The following LMTK2 variants were observed in gnomAD, a reference collection of about 807,000 sequenced individuals.
LMTK2 encodes the protein lemur tail kinase 2, also known as serine/threonine-protein kinase LMTK2.
In LMTK2, 37 loss-of-function variants were observed where a neutral mutation model predicts 127.5. The observed-to-expected ratio is 0.29, with a 90% CI of 0.22 to 0.38. The LOEUF (loss-of-function observed/expected upper bound fraction) is 0.38, where lower values mean the gene tolerates loss of function less well. Among genes scored for constraint, LMTK2 ranks in the 10% least tolerant of loss-of-function variants. LMTK2 has a pLI of 1.00. For synonymous variants in LMTK2, 819 were observed against 810.1 expected, an observed-to-expected ratio of 1.01 and a Z score of -0.19; for missense variants, 1,694 against 1,920.3, an observed-to-expected ratio of 0.88 and a Z score of 2.20.
At chr7:98,196,188 A>AG (rs1797619789) in intron 11 of LMTK2, among the ~76,000 whole-genome samples, 1 of 150,504 alleles carries the variant, frequency 6.6e-6, no homozygotes, top group Admixed American at 6.6e-5. Flanking sequence ...GACCTGTCTC[A>AG]GAAAAAAAAA....
chr7:98,198,867 G>C (rs1264344476), intron 11 of LMTK2, among the ~76,000 whole-genome samples: 3 of 152,060 alleles, frequency 2.0e-5, no homozygotes, highest in African/African-American at 7.2e-5. Context: ...GTGAGTTTTC[G>C]TTTTCATTCA....
Position 98,205,635 on chromosome 7 carries a change from CTCTTAGCTGCGT to C in LMTK2, c.*146_*157del. 1 of 895,748 alleles carries C rather than the reference CTCTTAGCTGCGT, an allele frequency of 1.1e-6. No individual in the cohort carries two copies. The highest frequency in any genetic ancestry group is 1.7e-6 in the Non-Finnish European group (1 of 576,734). 55.5% of individuals were successfully genotyped at this position (895,748 alleles called of 1,614,324 possible). On this transcript the variant is annotated 3_prime_UTR_variant, in exon 14 of 14. Coordinates refer to ENST00000297293, the MANE Select transcript of LMTK2 (RefSeq NM_014916.4). ...AATCCAGAGGTGAAGAGGGAGACGG[CTCTTAGCTGCGT>C]TCAAGGCGGGGCCCTCGGGAGCCCA...
intron 7 of LMTK2, among the ~76,000 whole-genome samples, chr7:98,179,626 C>T (rs1797325622): frequency 1.5e-5 from 2 of 130,708 alleles, no homozygotes; most frequent in Non-Finnish European, 3.1e-5. Flanking sequence ...TCCCTCCCTC[C>T]CTTTCTCCCT....
intron 6 of LMTK2, among the ~76,000 whole-genome samples, chr7:98,165,336 A>G (rs942956630): frequency 2.6e-5 from 4 of 152,202 alleles, no homozygotes; most frequent in Admixed American, 2.6e-4. Flanking sequence ...TGAGGAAACC[A>G]AGGCCGAGAG....
intron 3 of LMTK2, among the ~76,000 whole-genome samples, chr7:98,143,223 A>G (rs1358371946): frequency 6.6e-6 from 1 of 152,200 alleles, no homozygotes; most frequent in Non-Finnish European, 1.5e-5. Context: ...GGAAGAAATT[A>G]TTTTAAATTT....
intron 3 of LMTK2, among the ~76,000 whole-genome samples, chr7:98,150,441 T>C (rs1323871536): frequency 6.6e-6 from 1 of 152,196 alleles, no homozygotes; most frequent in Non-Finnish European, 1.5e-5. Context: ...GTGCTACTCA[T>C]GTTTTAGGAA....
intron 7 of LMTK2, among the ~76,000 whole-genome samples, chr7:98,174,336 G>A (rs1420879105): frequency 6.6e-6 from 1 of 152,184 alleles, no homozygotes; most frequent in African/African-American, 2.4e-5. Flanking sequence ...AACTAATCTA[G>A]TAAGGCACCC....
intron 6 of LMTK2, among the ~76,000 whole-genome samples, chr7:98,163,876 G>A (rs1015621490): frequency 2.0e-5 from 3 of 152,228 alleles, no homozygotes; most frequent in Non-Finnish European, 4.4e-5. Context: ...TCTGGGCTCT[G>A]TAAAAAGCTG....
chr7:98,115,892 T>C (rs1428982345), intron 1 of LMTK2, among the ~76,000 whole-genome samples: 2 of 152,162 alleles, frequency 1.3e-5, no homozygotes, highest in African/African-American at 4.8e-5. Flanking sequence ...TGGTTTTTTG[T>C]TTGTTTGTTT....
rs367912151 is a variant in LMTK2, at chr7:98,193,337, G to T, written c.2872G>T (p.Ala958Ser). 2.5e-6 allele frequency: 4 copies of T among 1,614,136 alleles called. No homozygotes were observed. Among genetic ancestry groups the T allele is most frequent in the Non-Finnish European group, 3.4e-6 (4 of 1,180,032 alleles). ...ETLNQLNSKD[A>S]AKEAGLVSAL... is the part of the protein sequence containing the mutation. ...TTTAAATCAGCTCAATTCTAAAGAC[G>T]CAGCAAAAGAAGCAGGCTTGGTGTC... The change falls in exon 11 of 14, where the codon GCA (alanine) becomes TCA (serine). Residue 958 changes from alanine (A) to serine (S), a missense_variant. Physicochemically the swap from Ala to Ser is moderately conservative, Grantham distance 99. This residue lies in a region of LMTK2 where 527 missense variants were observed against 539.8 expected (regional missense o/e 0.98). Coordinates refer to ENST00000297293, the MANE Select transcript of LMTK2 (RefSeq NM_014916.4). The surrounding 1 kb of genome is among the most constrained non-coding windows in gnomAD (Gnocchi z 4.1).
intron 5 of LMTK2, among the ~76,000 whole-genome samples, chr7:98,156,488 A>C (rs1239054563): frequency 6.6e-6 from 1 of 152,122 alleles, no homozygotes; most frequent in African/African-American, 2.4e-5. Flanking sequence ...GCTGTAATGA[A>C]AAAATAGTGA....
intron 11 of LMTK2, among the ~76,000 whole-genome samples, chr7:98,197,191 G>A (rs1797634511): frequency 1.3e-5 from 2 of 152,260 alleles, no homozygotes; most frequent in Admixed American, 1.3e-4. Context: ...CAGTCTGTGG[G>A]TGCCAGCACC....
intron 11 of LMTK2, 63 bp from the exon 12 acceptor site, chr7:98,203,511 G>A (rs1797739218): frequency 9.2e-6 from 14 of 1,527,224 alleles, no homozygotes; most frequent in African/African-American, 2.8e-5. Context: ...GTGGGGAAGC[G>A]GTCACACGGG....
At position 98,191,865 on chromosome 7, in the gene LMTK2, A is replaced by C. The variant is rs1234128045; in HGVS notation, c.1400A>C (p.Glu467Ala). 1 of 1,614,034 alleles carries C rather than the reference A, an allele frequency of 6.2e-7. No homozygotes were observed. Among genetic ancestry groups the C allele is most frequent in the African/African-American group, 1.3e-5 (1 of 74,906 alleles). Reference sequence around the variant, plus strand: ...ATGGAGGAAGTCCTCACCGTGACCGAAACCAGCCAGGGCCTGAGCTTCGAG... The same window carrying C: ...ATGGAGGAAGTCCTCACCGTGACCGCAACCAGCCAGGGCCTGAGCTTCGAG... ...REMEEVLTVT[E>A]TSQGLSFEYV... The change falls in exon 11 of 14, where the codon GAA becomes GCA. Residue 467 changes from glutamate (E) to alanine (A), a missense_variant. Physicochemically the swap from Glu to Ala is moderately radical, Grantham distance 107. Transcript: ENST00000297293.
At position 98,151,982 on chromosome 7, in the gene LMTK2, T is replaced by TA. The variant is rs200777287; in HGVS notation, c.450+536dup. On this transcript the variant is annotated intron_variant, in intron 4 of 13. Coordinates refer to ENST00000297293, the MANE Select transcript of LMTK2 (RefSeq NM_014916.4). ...ACATTTCGATCATAACAAAGGCCTT[T>TA]AAAAAAAAAGTATCTGAGACTTTTC... is the stretch of plus-strand genomic sequence containing the variant. 1.7e-3 allele frequency among the ~76,000 whole-genome samples: 250 copies of TA among 151,334 alleles called. 2 individuals are homozygous for TA. The highest frequency in any genetic ancestry group is 5.7e-3 in the African/African-American group (237 of 41,320).
chr7:98,121,471 C>CAA (rs68164720), intron 1 of LMTK2, among the ~76,000 whole-genome samples: 70 of 143,316 alleles, frequency 4.9e-4, no homozygotes, highest in African/African-American at 1.7e-3. Context: ...TACTAAAATA[C>CAA]AAAAAAAAAA....
At position 98,171,552 on chromosome 7, in the gene LMTK2, G is replaced by A. The variant is rs1797191148; in HGVS notation, c.669G>A (p.Lys223=). The A allele has an allele frequency of 6.2e-7, 1 of 1,613,980 alleles. No individual in the cohort carries two copies. The highest frequency in any genetic ancestry group is 1.1e-5 in the South Asian group (1 of 91,088). Reference sequence around the variant, plus strand: ...GCTGACTTTTGCAGGGTGACCTGAAGGCGTATCTGCGCAGCGAGCAGGAGC... The same window carrying A: ...GCTGACTTTTGCAGGGTGACCTGAAAGCGTATCTGCGCAGCGAGCAGGAGC... ...VFEFCDLGDL[K]AYLRSEQEHM... The change falls in exon 7 of 14, where the codon AAG becomes AAA. Residue 223 remains lysine (K), a synonymous_variant. Coordinates refer to ENST00000297293, the MANE Select transcript of LMTK2 (RefSeq NM_014916.4). This position sits in a 1 kb window ranked among gnomAD's most constrained non-coding sequence, Gnocchi z 5.1.
intron 5 of LMTK2, among the ~76,000 whole-genome samples, chr7:98,157,109 C>A (rs1796936099): frequency 6.6e-6 from 1 of 151,942 alleles, no homozygotes; most frequent in Non-Finnish European, 1.5e-5. Context: ...ATTAGTTGGG[C>A]ATGGTGGCAT....
At position 98,205,571 on chromosome 7, in the gene LMTK2, C is replaced by A; in HGVS notation, c.*79C>A. On this transcript the variant is annotated 3_prime_UTR_variant, in exon 14 of 14. Transcript: ENST00000297293. ...CCTGCGCCCTCAGCCCGAGCAGCGA[C>A]ATCCACTCGCCATTTGCTGACATGA... 7.0e-7 allele frequency: 1 copy of A among 1,427,172 alleles called. No individual in the cohort carries two copies. The highest frequency in any genetic ancestry group is 9.7e-7 in the Non-Finnish European group (1 of 1,026,578). 88.4% of individuals were successfully genotyped at this position (1,427,172 alleles called of 1,614,324 possible).
Sources: allele counts gnomAD v4.1 joint callset (sites outside exome capture counted in the v4.1 genomes callset), GRCh38; gene constraint gnomAD v4.1.1; regional missense constraint gnomAD v4.1.1; non-coding constraint Gnocchi (gnomAD v3.1); transcripts MANE v1.5; gene names NCBI Gene and HGNC (gene_info 2026-07-23, HGNC 2026-07-21).